The following BUB1B variants were observed in gnomAD, a reference collection of about 807,000 sequenced individuals.
The protein encoded by BUB1B is mitotic checkpoint serine/threonine-protein kinase BUB1 beta.
In BUB1B, 86 loss-of-function variants were observed where a neutral mutation model predicts 137.7. The ratio of observed to expected loss-of-function variants is 0.62; its 90% confidence interval spans 0.52 to 0.75. The LOEUF (loss-of-function observed/expected upper bound fraction) is 0.75. Among genes scored for constraint, BUB1B ranks in the 30% least tolerant of loss-of-function variants. The probability of loss-of-function intolerance (pLI) is 0.00; values close to 1 mark genes in which losing one functional copy is unlikely to be tolerated. For synonymous variants in BUB1B, 420 were observed against 417.9 expected, an observed-to-expected ratio of 1.00 and a Z score of -0.06; for missense variants, 1,130 against 1,236.9, an observed-to-expected ratio of 0.91 and a Z score of 1.30.
At chr15:40,208,865 C>CAAA in intron 16 of BUB1B, 95 bp downstream of exon 16, 1 of 1,277,608 alleles carries the variant, frequency 7.8e-7, no homozygotes, top group Non-Finnish European at 1.1e-6. Context: ...GACAGGGTCT[C>CAAA]ACTCTGTCAC....
rs2037684260 is a variant in BUB1B at position 40,209,630 on chromosome 15, G to A, written c.2144-5G>A. On this transcript the variant is annotated splice_polypyrimidine_tract_variant and splice_region_variant and intron_variant, in intron 16 of 22. Transcript: ENST00000287598. ...TATATTTTCACCTTTCCCTCCCACT[G>A]GCAGAAAACCCTACTCAGTCACCAT... 1 of 1,613,812 alleles carries A rather than the reference G, an allele frequency of 6.2e-7. No homozygotes were observed. Among genetic ancestry groups the A allele is most frequent in the Middle Eastern group, 1.6e-4 (1 of 6,062 alleles).
chr15:40,172,114 CT>C (rs1365401120), intron 4 of BUB1B, among the ~76,000 whole-genome samples: 1 of 147,916 alleles, frequency 6.8e-6, no homozygotes, highest in African/African-American at 2.5e-5. Context: ...AAATTTCTTA[CT>C]AAAATAAAGT....
chr15:40,188,477 T>C (rs2037395925), intron 8 of BUB1B, among the ~76,000 whole-genome samples: 1 of 152,162 alleles, frequency 6.6e-6, no homozygotes, highest in Non-Finnish European at 1.5e-5. Context: ...TAAAAATCTA[T>C]AATACGAGTT....
intron 4 of BUB1B, among the ~76,000 whole-genome samples, chr15:40,171,886 CG>C (rs2037166932): frequency 1.3e-5 from 2 of 151,694 alleles, no homozygotes; most frequent in Admixed American, 1.3e-4. Context: ...AAATGACCAC[CG>C]TTTGTTAGAC....
chr15:40,213,353 T>C lies in BUB1B; in HGVS notation c.2557T>C (p.Tyr853His), dbSNP rs1264165576. 2 of 1,613,856 alleles carry C rather than the reference T, an allele frequency of 1.2e-6. No homozygotes were observed. Among genetic ancestry groups the C allele is most frequent in the Admixed American group, 3.3e-5 (2 of 60,000 alleles). ...TLQDLLQHSE[Y>H]ITHEITVLII... ...CCAGGATCTTCTCCAACACAGTGAA[T>C]ATATTACCCATGAAATAACAGTGTT... The change falls in exon 20 of 23, where the codon TAT becomes CAT. Residue 853 changes from tyrosine (Y) to histidine (H), a missense_variant. Physicochemically the swap from Tyr to His is moderately conservative, Grantham distance 83 (BLOSUM62 2). Coordinates refer to ENST00000287598, the MANE Select transcript of BUB1B (RefSeq NM_001211.6).
chr15:40,203,662 G>C lies in BUB1B; in HGVS notation c.1734+968G>C, dbSNP rs540104412. ...CTTTTTTATATAAAATACCTTTTTT[G>C]GCAATGCAAAAGTTATGTGGGCCAA... On this transcript the variant is annotated intron_variant, in intron 14 of 22. Coordinates refer to ENST00000287598, the MANE Select transcript of BUB1B (RefSeq NM_001211.6). Among the ~76,000 whole-genome samples the C allele has an allele frequency of 1.7e-4, 26 of 151,730 alleles. No homozygotes were observed. In the South Asian group the frequency reaches 2.1e-3, roughly 12 times the overall value.
chr15:40,217,774 G>A, intron 21 of BUB1B, 107 bp downstream of exon 21: 1 of 1,328,892 alleles, frequency 7.5e-7, no homozygotes, highest in South Asian at 1.2e-5. Context: ...TCCTAGAATA[G>A]ATGACCTAGT....
intron 14 of BUB1B, 26 bp from the exon 15 acceptor site, chr15:40,206,158 T>A: frequency 6.2e-7 from 1 of 1,613,506 alleles, no homozygotes; most frequent in Non-Finnish European, 8.5e-7. Flanking sequence ...ATATTTTAGC[T>A]AAACTTTATA....
chr15:40,188,157 C>T (rs1245508242), intron 8 of BUB1B, among the ~76,000 whole-genome samples: 1 of 152,076 alleles, frequency 6.6e-6, no homozygotes, highest in Non-Finnish European at 1.5e-5. Context: ...AAGCAATTCT[C>T]CTGCCTCAGC....
At chr15:40,199,562 A>G (rs1422900444) in intron 9 of BUB1B, 53 bp from the exon 10 acceptor site, 19 of 1,460,408 alleles carry the variant, frequency 1.3e-5, no homozygotes, top group Non-Finnish European at 1.6e-5. Context: ...GCAGTTTTTG[A>G]CAGAATGAGT....
rs953784144 is a variant in BUB1B, at chr15:40,170,256, A to C, written c.239+135A>C. 7 of 881,834 alleles carry C rather than the reference A, an allele frequency of 7.9e-6. No homozygotes were observed. The Admixed American group carries it at 1.5e-4, about 19-fold the overall frequency. 54.6% of individuals were successfully genotyped at this position (881,834 alleles called of 1,614,324 possible). On this transcript the variant is annotated intron_variant, in intron 3 of 22. Coordinates refer to ENST00000287598, the MANE Select transcript of BUB1B (RefSeq NM_001211.6). ...TCCTGGGGGCACAGAGATCCAGAAT[A>C]ATCATAATATATCTTCCTGAGGTGT...
chr15:40,175,229 A>G (rs540957984), intron 4 of BUB1B, among the ~76,000 whole-genome samples: 1 of 152,310 alleles, frequency 6.6e-6, no homozygotes, highest in East Asian at 1.9e-4. Context: ...GCAAAATTAG[A>G]AGTTGTTTAA....
Position 40,206,205 on chromosome 15 carries a change from C to A in BUB1B, c.1756C>A (p.Pro586Thr). The A allele has an allele frequency of 6.2e-7, 1 of 1,614,122 alleles. No individual in the cohort carries two copies. Among genetic ancestry groups the A allele is most frequent in the South Asian group, 1.1e-5 (1 of 91,068 alleles). ...TCAGGATGAATTTACAGGAATTGAA[C>A]CCTTGAGCGAGGATGCCATTATCAC... ...DVCDEFTGIEPLSEDAIITGF... is the reference protein window; with the variant it reads ...DVCDEFTGIETLSEDAIITGF... The change falls in exon 15 of 23, where the codon CCC becomes ACC. Residue 586 changes from proline (P) to threonine (T), a missense_variant. By Grantham distance (38) the Pro-to-Thr change is conservative. Transcript: ENST00000287598.
chr15:40,218,490 T>C lies in BUB1B; in HGVS notation c.2885T>C (p.Leu962Ser). The C allele has an allele frequency of 6.2e-7, 1 of 1,614,116 alleles. No homozygotes were observed. The highest frequency in any genetic ancestry group is 8.5e-7 in the Non-Finnish European group (1 of 1,179,980). ...TTTGGTATAGCAGATTTAGCACATT[T>C]ACTATTGTTCAAGGAACACCTACAG... ...DLFGIADLAH[L>S]LLFKEHLQVF... The change falls in exon 22 of 23, where the codon TTA (leucine) becomes TCA (serine). Residue 962 changes from leucine to serine, a missense_variant. Physicochemically the swap from Leu to Ser is moderately radical, Grantham distance 145. Transcript: ENST00000287598.
intron 14 of BUB1B, among the ~76,000 whole-genome samples, chr15:40,202,970 T>C (rs2037593761): frequency 1.3e-5 from 2 of 152,214 alleles, no homozygotes; most frequent in Admixed American, 6.5e-5. Context: ...GAATGTAAAA[T>C]GGTGTAGCCA....
intron 8 of BUB1B, among the ~76,000 whole-genome samples, chr15:40,186,715 A>G (rs368470616): frequency 3.2e-3 from 478 of 151,214 alleles, no homozygotes; most frequent in Non-Finnish European, 4.2e-3. Flanking sequence ...AAAGTGCTGG[A>G]ATTACAGGCG....
At chr15:40,202,540 G>T in intron 13 of BUB1B, 49 bp from the exon 14 acceptor site, 1 of 1,595,470 alleles carries the variant, frequency 6.3e-7, no homozygotes, top group Non-Finnish European at 8.6e-7. Flanking sequence ...GATAAATTAG[G>T]GGTTACTGTT....
At chr15:40,163,350 G>T (rs1442984970) in intron 1 of BUB1B, among the ~76,000 whole-genome samples, 2 of 152,234 alleles carry the variant, frequency 1.3e-5, no homozygotes, top group African/African-American at 2.4e-5. Context: ...GAGGCAACAG[G>T]ATTGCTTAAG....
chr15:40,180,869 C>CA (rs1284624045), intron 5 of BUB1B, among the ~76,000 whole-genome samples: 1 of 150,374 alleles, frequency 6.7e-6, no homozygotes, highest in East Asian at 2.0e-4. Flanking sequence ...AGGATGGTCT[C>CA]AATCTCCTGA....
Sources: gnomAD v4.1 joint callset for allele counts (sites outside exome capture counted in the v4.1 genomes callset) on GRCh38, gnomAD v4.1.1 for gene constraint, MANE v1.5 for transcripts, NCBI Gene and HGNC (gene_info 2026-07-23, HGNC 2026-07-21) for gene names.